The following CFAP92 variants were observed in gnomAD, a reference collection of about 807,000 sequenced individuals.
The protein encoded by CFAP92 is cilia and flagella associated protein 92 (putative).
A neutral mutation model predicts 106.3 loss-of-function variants in CFAP92; 86 were observed. That is an observed-to-expected ratio of 0.81 (90% confidence interval 0.68 to 0.97). CFAP92 has a LOEUF of 0.97. CFAP92 is among the 50% of genes least tolerant of loss of function. The pLI is 0.00. For synonymous variants in CFAP92, 477 were observed against 506.4 expected (o/e 0.94, Z 0.78); for missense variants, 1,204 against 1,283.8 (o/e 0.94, Z 0.95).
chr3:129,006,723 A>G (rs876198), upstream of CFAP92, among the ~76,000 whole-genome samples: 23,527 of 152,210 alleles, frequency 0.15, 2,331 homozygotes, highest in East Asian at 0.55. Context: ...GAGTGATGCT[A>G]TGTGAAGGGC....
At chr3:128,912,461 T>C (rs1437477279) in intron 15 of CFAP92, 9 of 1,559,168 alleles carry the variant, frequency 5.8e-6, no homozygotes, top group African/African-American at 4.1e-5. Flanking sequence ...GTTTGTCTTA[T>C]CACGGTGCAG....
chr3:128,979,506 T>C (rs945246245), intron 4 of CFAP92, among the ~76,000 whole-genome samples: 3 of 152,194 alleles, frequency 2.0e-5, no homozygotes, highest in South Asian at 2.1e-4. Flanking sequence ...CGTATGTTTA[T>C]TGCAGCACTA....
At chr3:128,958,878 G>A (rs971271437) in intron 9 of CFAP92, among the ~76,000 whole-genome samples, 53 of 151,756 alleles carry the variant, frequency 3.5e-4, no homozygotes, top group African/African-American at 1.2e-3. Context: ...TCCAGACAGG[G>A]CAGTGGAGTG....
At chr3:128,912,507 A>T (rs1215699317) in intron 15 of CFAP92, 1 of 1,613,184 alleles carries the variant, frequency 6.2e-7, no homozygotes, top group Non-Finnish European at 8.5e-7. Context: ...TCCTTCCCAG[A>T]TGCTCCAGAA....
intron 10 of CFAP92, among the ~76,000 whole-genome samples, chr3:128,938,786 C>G (rs112787987): frequency 6.6e-6 from 1 of 152,124 alleles, no homozygotes; most frequent in Non-Finnish European, 1.5e-5. Context: ...GCCACCTTCA[C>G]CATTCTTATA....
At chr3:128,934,594 G>A (rs1015026267) in intron 11 of CFAP92, among the ~76,000 whole-genome samples, 4 of 151,350 alleles carry the variant, frequency 2.6e-5, no homozygotes, top group South Asian at 4.2e-4. Flanking sequence ...ACAGTGGCTC[G>A]GTCTCAGCTC....
chr3:128,959,422 GAA>G (rs1486631367), intron 9 of CFAP92, among the ~76,000 whole-genome samples: 1 of 151,970 alleles, frequency 6.6e-6, no homozygotes, highest in Non-Finnish European at 1.5e-5. Flanking sequence ...AAAAAAGGTA[GAA>G]AAAAATATAT....
intron 12 of CFAP92, among the ~76,000 whole-genome samples, chr3:128,927,810 AAAG>A (rs758470172): frequency 4.6e-5 from 7 of 152,326 alleles, no homozygotes; most frequent in East Asian, 1.9e-4. Context: ...TAATTTCACA[AAAG>A]AAGTGCAAGA....
rs201367153 is a variant in CFAP92 at position 128,975,786 on chromosome 3, C to G, written c.1014G>C (p.Arg338Ser). ...SSLTNILDRQ[R>S]SQIKGKDSEG... is the part of the protein sequence containing the mutation. The stretch of plus-strand genomic sequence containing the variant: ...AATCCTATCCTAACTTACTTTGAGA[C>G]CTTTGTCTGTCTAATATGTTTGTTA... Residue 338 changes from arginine to serine, a missense_variant, in exon 7 of 16, where the codon AGG becomes AGC. By Grantham distance (110) the Arg-to-Ser change is moderately radical. Transcript: ENST00000645291. The G allele has an allele frequency of 1.7e-4, 277 of 1,592,878 alleles. 2 individuals are homozygous for G. In the African/African-American group the frequency reaches 3.6e-3, roughly 21 times the overall value.
chr3:128,932,651 C>G (rs991076485), intron 12 of CFAP92, 49 bp downstream of exon 12: 9 of 1,486,812 alleles, frequency 6.1e-6, no homozygotes, highest in Middle Eastern at 2.4e-4. Context: ...GCGCCTGGAC[C>G]GCCCAGGTGA....
intron 4 of CFAP92, among the ~76,000 whole-genome samples, chr3:128,981,540 A>C (rs1943537253): frequency 6.7e-6 from 1 of 150,168 alleles, no homozygotes; most frequent in African/African-American, 2.5e-5. Context: ...TATGTTGGCC[A>C]CACTGGTCTC....
chr3:128,990,666 C>T (rs1023587075), intron 2 of CFAP92, among the ~76,000 whole-genome samples: 4 of 152,002 alleles, frequency 2.6e-5, no homozygotes, highest in Admixed American at 6.5e-5. Context: ...AAAGCCAAGG[C>T]GGGTGGATCA....
At chr3:128,962,218 G>A (rs1160355346) in intron 9 of CFAP92, among the ~76,000 whole-genome samples, 17 of 152,096 alleles carry the variant, frequency 1.1e-4, no homozygotes, top group Admixed American at 2.0e-4. Flanking sequence ...CATCACGGAC[G>A]CCGAGCTTCC....
chr3:128,932,653 C>T, intron 12 of CFAP92, 47 bp downstream of exon 12: 1 of 1,501,026 alleles, frequency 6.7e-7, no homozygotes, highest in Non-Finnish European at 8.9e-7. Flanking sequence ...GCCTGGACCG[C>T]CCAGGTGAGG....
At chr3:128,960,990 AC>A (rs1463714133) in intron 9 of CFAP92, among the ~76,000 whole-genome samples, 1 of 152,016 alleles carries the variant, frequency 6.6e-6, no homozygotes, top group Middle Eastern at 3.2e-3. Context: ...ACTATGGGCA[AC>A]CTTCCACCCT....
rs150816624 is a variant in CFAP92 at position 128,999,728 on chromosome 3, T to TGGGG, written n.117+2842_117+2845dup. Among the ~76,000 whole-genome samples, 94 of 150,910 alleles carry TGGGG rather than the reference T, an allele frequency of 6.2e-4. 1 individual carries two copies. Among genetic ancestry groups the TGGGG allele is most frequent in the South Asian group, 4.0e-3 (19 of 4,738 alleles). ...TAACTTTTGGTATTTTTAGTAGAGA[T>TGGGG]GGGGGTGGTTCACTATGTTGTCCAG... On this transcript the variant is annotated intron_variant and non_coding_transcript_variant, in intron 1 of 4. Coordinates refer to the CFAP92 transcript ENST00000510149.
chr3:128,973,205 A>C (rs1308456422), intron 7 of CFAP92, among the ~76,000 whole-genome samples: 1 of 152,236 alleles, frequency 6.6e-6, no homozygotes, highest in Non-Finnish European at 1.5e-5. Flanking sequence ...TTAAACTAAC[A>C]GAAAAATAAG....
At chr3:128,977,137 C>T (rs2107792427) in intron 5 of CFAP92, 71 bp from the exon 6 acceptor site, 1 of 1,210,628 alleles carries the variant, frequency 8.3e-7, no homozygotes, top group African/African-American at 1.5e-5. Flanking sequence ...GGGCCCCTGA[C>T]CCATTTCTGT....
At chr3:128,947,739 C>T (rs377678876) in intron 9 of CFAP92, among the ~76,000 whole-genome samples, 6 of 152,048 alleles carry the variant, frequency 3.9e-5, no homozygotes, top group African/African-American at 1.4e-4. Flanking sequence ...GGGAGGCTGA[C>T]GCAGGAGGAC....
Sources: gnomAD v4.1 joint callset for allele counts (sites outside exome capture counted in the v4.1 genomes callset) on GRCh38, gnomAD v4.1.1 for gene constraint, MANE v1.5 for transcripts, NCBI Gene and HGNC (gene_info 2026-07-23, HGNC 2026-07-21) for gene names.